The following TMPRSS9 variants were observed in gnomAD, a reference collection of about 807,000 sequenced individuals.
TMPRSS9 encodes transmembrane serine protease 9.
A neutral mutation model predicts 111.4 loss-of-function variants in TMPRSS9; 113 were observed. The observed-to-expected ratio is 1.01, with a 90% CI of 0.87 to 1.19. TMPRSS9 has a LOEUF of 1.19. Among genes scored for constraint, TMPRSS9 ranks in the 50% most tolerant of loss-of-function variants. The pLI is 0.00. For missense variants in TMPRSS9, 1,803 were observed against 1,513.1 expected, an observed-to-expected ratio of 1.19 and a Z score of -3.18; for synonymous variants, 805 against 659.1, an observed-to-expected ratio of 1.22 and a Z score of -3.39.
chr19:2,399,754 G>C (rs1459928165), intron 4 of TMPRSS9, among the ~76,000 whole-genome samples: 5 of 151,928 alleles, frequency 3.3e-5, no homozygotes, highest in African/African-American at 9.7e-5. Flanking sequence ...ATCTCACTCT[G>C]TTGCCCAGTC....
At position 2,416,491 on chromosome 19, in the gene TMPRSS9, G is replaced by A. The variant is rs114749437; in HGVS notation, c.1746-47G>A. On this transcript the variant is annotated intron_variant, in intron 11 of 17. Transcript: ENST00000648592. ...CAGCCCTGTCCCTCCCCAAGAAGGCGGGCATGTGCTGGAGGGCAGGCATGT... is the reference window on the plus strand; with the variant it reads ...CAGCCCTGTCCCTCCCCAAGAAGGCAGGCATGTGCTGGAGGGCAGGCATGT... The A allele has an allele frequency of 2.6e-4, 413 of 1,567,944 alleles. 2 individuals carry two copies. The African/African-American group carries it at 3.9e-3, about 15-fold the overall frequency.
At chr19:2,381,635 C>T (rs1970386557) in intron 1 of TMPRSS9, among the ~76,000 whole-genome samples, 1 of 151,922 alleles carries the variant, frequency 6.6e-6, no homozygotes, top group Non-Finnish European at 1.5e-5. Context: ...CTGCCTCACT[C>T]CCCGCCACCC....
intron 1 of TMPRSS9, among the ~76,000 whole-genome samples, chr19:2,363,173 G>A (rs1448963305): frequency 2.6e-5 from 4 of 152,200 alleles, no homozygotes; most frequent in Admixed American, 6.5e-5. Context: ...CCCACTGCGC[G>A]CTGGGTCCCG....
At chr19:2,387,934 C>T (rs148316045), upstream of TMPRSS9, among the ~76,000 whole-genome samples, 714 of 152,236 alleles carry the variant, frequency 4.7e-3, 7 homozygotes, top group African/African-American at 0.016. Context: ...AGGCCAGTCC[C>T]TCCAGACGGG....
chr19:2,379,906 G>A (rs1970373710), intron 1 of TMPRSS9, among the ~76,000 whole-genome samples: 1 of 151,604 alleles, frequency 6.6e-6, no homozygotes, highest in African/African-American at 2.4e-5. Flanking sequence ...ATGCTACCAT[G>A]CCCAGCTACT....
upstream of TMPRSS9, chr19:2,389,731 C>G: frequency 8.3e-6 from 13 of 1,565,550 alleles, no homozygotes; most frequent in Non-Finnish European, 1.1e-5. Flanking sequence ...CCTCTGACCC[C>G]GTGTTTCTGT....
chr19:2,395,868 C>T (rs991013406), intron 1 of TMPRSS9, among the ~76,000 whole-genome samples: 13 of 150,946 alleles, frequency 8.6e-5, no homozygotes, highest in African/African-American at 2.7e-4. Flanking sequence ...ATTAGCCACG[C>T]GTGGTCGTGG....
chr19:2,381,611 GCTCCATGCCGCCCCTGCCTCA>G (rs1472812485), intron 1 of TMPRSS9, among the ~76,000 whole-genome samples: 5 of 150,366 alleles, frequency 3.3e-5, no homozygotes, highest in African/African-American at 1.2e-4. Flanking sequence ...CCCCTGCCTT[GCTCCATGCCGCCCCTGCCTCA>G]CTCCCCGCCA....
At chr19:2,418,037 G>C (rs768178345) in exon 13 of TMPRSS9, 7 of 1,612,210 alleles carry the variant, frequency 4.3e-6, no homozygotes, top group African/African-American at 1.3e-5. Flanking sequence ...GGCGTCCGTG[G>C]GCATCATAGA....
intron 1 of TMPRSS9, among the ~76,000 whole-genome samples, chr19:2,362,938 TTGTG>T (rs1970213380): frequency 1.3e-5 from 1 of 78,130 alleles, no homozygotes; most frequent in African/African-American, 3.5e-5. Context: ...TGGTTGTGTG[TTGTG>T]TGTGTGTTGT....
chr19:2,425,683 TC>T, intron 17 of TMPRSS9, 190 bp downstream of exon 18: 1 of 1,250,048 alleles, frequency 8.0e-7, no homozygotes, highest in Non-Finnish European at 1.0e-6. Flanking sequence ...ACCCACCGCA[TC>T]CCATCCCCGG....
chr19:2,385,186 C>A (rs1457660864), upstream of TMPRSS9, among the ~76,000 whole-genome samples: 2 of 22,192 alleles, frequency 9.0e-5, no homozygotes, highest in Non-Finnish European at 1.5e-4. Flanking sequence ...GGGCGGGGCT[C>A]GCGGGGGCGG....
intron 5 of TMPRSS9, 95 bp downstream of exon 6, chr19:2,402,111 G>A (rs1970862518): frequency 2.3e-6 from 3 of 1,325,860 alleles, no homozygotes; most frequent in South Asian, 1.2e-5. Context: ...CCTGGAACGA[G>A]GCTGGGCGCG....
At chr19:2,416,663 A>C in exon 12 of TMPRSS9, 1 of 1,613,036 alleles carries the variant, frequency 6.2e-7, no homozygotes, top group Non-Finnish European at 8.5e-7. Context: ...GGCATCCTGG[A>C]CTTCGACCTG....
chr19:2,419,853 G>A (rs1236930253), intron 13 of TMPRSS9, among the ~76,000 whole-genome samples: 1 of 152,128 alleles, frequency 6.6e-6, no homozygotes. Context: ...GGGCTCAACC[G>A]TGCACACACA....
chr19:2,370,065 G>T (rs112322022), intron 1 of TMPRSS9, among the ~76,000 whole-genome samples: 13,046 of 151,990 alleles, frequency 0.086, 1,764 homozygotes, highest in African/African-American at 0.29. Context: ...AAAATTAGCC[G>T]GGCATGATGG....
At chr19:2,421,295 ATTTT>A (rs199810368) in intron 13 of TMPRSS9, among the ~76,000 whole-genome samples, 2 of 146,386 alleles carry the variant, frequency 1.4e-5, no homozygotes, top group Admixed American at 1.4e-4. Context: ...TTATTTATTT[ATTTT>A]TTTTTTTGAG....
intron 1 of TMPRSS9, among the ~76,000 whole-genome samples, chr19:2,373,235 A>G (rs1970304238): frequency 6.6e-6 from 1 of 151,942 alleles, no homozygotes. Context: ...ATTTTTATAT[A>G]TTTATTGATT....
chr19:2,393,704 C>T (rs1970647124), intron 1 of TMPRSS9, among the ~76,000 whole-genome samples: 1 of 151,930 alleles, frequency 6.6e-6, no homozygotes, highest in East Asian at 1.9e-4. Context: ...TTGAGACCAG[C>T]CTGGCCAACA....
Sources: allele counts gnomAD v4.1 joint callset (sites outside exome capture counted in the v4.1 genomes callset), GRCh38; gene constraint gnomAD v4.1.1; transcripts MANE v1.5; gene names NCBI Gene and HGNC (gene_info 2026-07-23, HGNC 2026-07-21).